Variants in TMOD2 observed in about 807,000 individuals in gnomAD.
The protein encoded by TMOD2 is tropomodulin-2.
TMOD2 carries 22 observed loss-of-function variants against 39.9 expected under a neutral mutation model. That is an observed-to-expected ratio of 0.55 (90% CI 0.39 to 0.79). The LOEUF is 0.79. Ranked by LOEUF, TMOD2 falls within the 30% of genes least tolerant of loss-of-function variation. The probability of loss-of-function intolerance (pLI) is 0.00; values close to 1 mark genes in which losing one functional copy is unlikely to be tolerated. For missense variants in TMOD2, 386 were observed against 413.3 expected (o/e 0.93, Z 0.57); for synonymous variants, 123 against 146.1 (o/e 0.84, Z 1.14).
chr15:51,752,275 C>T (rs539138635), intron 1 of TMOD2, among the ~76,000 whole-genome samples: 1 of 152,260 alleles, frequency 6.6e-6, no homozygotes, highest in African/African-American at 2.4e-5. Flanking sequence ...ATTGTTATTA[C>T]TTTTCTGGTT....
intron 3 of TMOD2, among the ~76,000 whole-genome samples, chr15:51,772,425 A>G (rs1233833614): frequency 6.6e-6 from 1 of 152,110 alleles, no homozygotes; most frequent in Non-Finnish European, 1.5e-5. Flanking sequence ...TGGGATGTGG[A>G]TGTGTTGGCC....
intron 6 of TMOD2, among the ~76,000 whole-genome samples, chr15:51,781,885 A>C (rs1453617297): frequency 6.6e-6 from 1 of 151,976 alleles, no homozygotes; most frequent in African/African-American, 2.4e-5. Flanking sequence ...TTTTGGGGCC[A>C]ATTCTTAGCA....
In TMOD2 at chr15:51,815,054, G is replaced by A. The variant is rs1388967118; in HGVS notation, c.*6600G>A. The A allele has an allele frequency of 6.6e-6, 1 of 152,300 alleles. No homozygotes were observed. The highest frequency in any genetic ancestry group is 2.4e-5 in the African/African-American group (1 of 41,452). 9.4% of individuals were successfully genotyped at this position (152,300 alleles called of 1,614,324 possible). On this transcript the variant is annotated 3_prime_UTR_variant, in exon 10 of 10. Coordinates refer to ENST00000249700, the MANE Select transcript of TMOD2 (RefSeq NM_014548.4). ...AGGTGGGTGGATCACCTGAGGTCAG[G>A]AGTTCAAGACCAGCCTGGCCAACAT...
intron 1 of TMOD2, among the ~76,000 whole-genome samples, chr15:51,759,149 G>A (rs2055762201): frequency 6.6e-6 from 1 of 152,192 alleles, no homozygotes; most frequent in Admixed American, 6.5e-5. Context: ...GTTTAGGTAA[G>A]GACAGGATTT....
At chr15:51,804,143 G>C (rs956074457) in intron 8 of TMOD2, among the ~76,000 whole-genome samples, 1 of 152,216 alleles carries the variant, frequency 6.6e-6, no homozygotes, top group Non-Finnish European at 1.5e-5. Flanking sequence ...AGATGCACTG[G>C]GGGAGGGAAG....
intron 7 of TMOD2, among the ~76,000 whole-genome samples, chr15:51,790,102 C>G (rs576948521): frequency 6.6e-6 from 1 of 151,738 alleles, no homozygotes; most frequent in Non-Finnish European, 1.5e-5. Flanking sequence ...ACAAAATAGA[C>G]CACTAGCAAG....
intron 7 of TMOD2, among the ~76,000 whole-genome samples, chr15:51,791,579 G>A (rs1418171024): frequency 1.3e-5 from 2 of 152,196 alleles, no homozygotes; most frequent in African/African-American, 2.4e-5. Flanking sequence ...CAAAGCTGGA[G>A]GCATCACGCT....
rs1302811447 is a variant in TMOD2 at position 51,781,467 on chromosome 15, C to T, written c.624+293C>T. Among the ~76,000 whole-genome samples, 3 of 152,230 alleles carry T rather than the reference C, an allele frequency of 2.0e-5. No individual in the cohort carries two copies. In the South Asian group the frequency reaches 6.2e-4, roughly 31 times the overall value. Reference sequence around the variant, plus strand: ...AACAACAGACATTTATTATTTCACACACAATTTTTCAGTGTCAGGAATCTG... The same window carrying T: ...AACAACAGACATTTATTATTTCACATACAATTTTTCAGTGTCAGGAATCTG... On this transcript the variant is annotated intron_variant, in intron 6 of 9. Coordinates refer to ENST00000249700, the MANE Select transcript of TMOD2 (RefSeq NM_014548.4).
At chr15:51,779,356 T>C (rs1163897557) in intron 5 of TMOD2, among the ~76,000 whole-genome samples, 3 of 152,006 alleles carry the variant, frequency 2.0e-5, no homozygotes, top group African/African-American at 7.2e-5. Flanking sequence ...TACTTACAGG[T>C]TTCCTTCATT....
rs549392613 is a variant in TMOD2 at position 51,773,024 on chromosome 15, C to T, written c.284-688C>T. 3.3e-5 allele frequency among the ~76,000 whole-genome samples: 5 copies of T among 152,248 alleles called. No homozygotes were observed. The South Asian group carries it at 1.0e-3, about 32-fold the overall frequency. On this transcript the variant is annotated intron_variant, in intron 3 of 9. Transcript: ENST00000249700. Reference sequence around the variant, plus strand: ...AGTATTCTTGGACTTCCAAGAGTTCCATGCAGGGATATTGATCTGTCCCAC... The same window carrying T: ...AGTATTCTTGGACTTCCAAGAGTTCTATGCAGGGATATTGATCTGTCCCAC...
At chr15:51,762,365 G>A (rs2055787439) in intron 1 of TMOD2, among the ~76,000 whole-genome samples, 1 of 152,034 alleles carries the variant, frequency 6.6e-6, no homozygotes, top group South Asian at 2.1e-4. Flanking sequence ...AGACTGATGT[G>A]GGAGAATCGC....
chr15:51,797,284 T>C (rs2056057677), intron 7 of TMOD2, among the ~76,000 whole-genome samples: 1 of 152,184 alleles, frequency 6.6e-6, no homozygotes, highest in Non-Finnish European at 1.5e-5. Flanking sequence ...CCAGAGGCTC[T>C]TCCTGGGAGA....
In TMOD2 at chr15:51,813,554, A is replaced by G. The variant is rs1016442287; in HGVS notation, c.*5100A>G. On this transcript the variant is annotated 3_prime_UTR_variant, in exon 10 of 10. Transcript: ENST00000249700. Reference sequence around the variant, plus strand: ...GATTTGGAGACTGAAACCTAATCCCATCACCAACACTTAGCAGGTATATGA... The same window carrying G: ...GATTTGGAGACTGAAACCTAATCCCGTCACCAACACTTAGCAGGTATATGA... 4 of 152,250 alleles carry G rather than the reference A, an allele frequency of 2.6e-5. No homozygotes were observed. The highest frequency in any genetic ancestry group is 5.9e-5 in the Non-Finnish European group (4 of 68,048). 9.4% of individuals were successfully genotyped at this position (152,250 alleles called of 1,614,324 possible). A position where few individuals can be genotyped will look rare whatever the true frequency, so the allele number is the denominator to read the frequency against.
At chr15:51,781,913 T>G (rs2141627096) in intron 6 of TMOD2, among the ~76,000 whole-genome samples, 1 of 152,272 alleles carries the variant, frequency 6.6e-6, no homozygotes, top group South Asian at 2.1e-4. Flanking sequence ...ATAACCAACT[T>G]TTATTGAGTA....
At chr15:51,804,090 C>T (rs1435218428) in intron 8 of TMOD2, among the ~76,000 whole-genome samples, 1 of 152,208 alleles carries the variant, frequency 6.6e-6, no homozygotes. Flanking sequence ...CCATCTGACC[C>T]AGCTATAATT....
At chr15:51,752,780 A>T (rs770347629) in intron 1 of TMOD2, 2 of 152,258 alleles carry the variant, frequency 1.3e-5, no homozygotes, top group Non-Finnish European at 2.9e-5. Context: ...CCTAGTGAGG[A>T]GGAAAGATTT....
chr15:51,769,446 CA>C (rs767068965), intron 3 of TMOD2, among the ~76,000 whole-genome samples: 1 of 152,158 alleles, frequency 6.6e-6, no homozygotes, highest in Non-Finnish European at 1.5e-5. Flanking sequence ...ATGCTAGAAC[CA>C]CAGGCAAATA....
chr15:51,781,658 C>T lies in TMOD2; in HGVS notation c.624+484C>T, dbSNP rs370089767. Among the ~76,000 whole-genome samples, 5 of 152,280 alleles carry T rather than the reference C, an allele frequency of 3.3e-5. No homozygotes were observed. In the East Asian group the frequency reaches 5.8e-4, roughly 18 times the overall value. The stretch of plus-strand genomic sequence containing the variant: ...GGCCTCCATTTCTCACCATGTGGCT[C>T]CCCAGAGCGAGTGATCCAAGACAGA... On this transcript the variant is annotated intron_variant, in intron 6 of 9. Coordinates refer to ENST00000249700, the MANE Select transcript of TMOD2 (RefSeq NM_014548.4).
chr15:51,774,780 T>G (rs1021561547), intron 4 of TMOD2, among the ~76,000 whole-genome samples: 1 of 152,128 alleles, frequency 6.6e-6, no homozygotes, highest in African/African-American at 2.4e-5. Flanking sequence ...GATCCTGTTA[T>G]GGCTACTGCT....
Sources: allele counts gnomAD v4.1 joint callset (sites outside exome capture counted in the v4.1 genomes callset), GRCh38; gene constraint gnomAD v4.1.1; transcripts MANE v1.5; gene names NCBI Gene and HGNC (gene_info 2026-07-23, HGNC 2026-07-21).